CADPS2: variants seen among roughly 807,000 people sequenced by gnomAD.
The protein encoded by CADPS2 is calcium dependent secretion activator 2.
A neutral mutation model predicts 172.5 loss-of-function variants in CADPS2; 93 were observed. That is an observed-to-expected ratio of 0.54 (90% CI 0.46 to 0.64). The LOEUF (loss-of-function observed/expected upper bound fraction) is 0.64, where lower values mean the gene tolerates loss of function less well. Among genes scored for constraint, CADPS2 ranks in the 30% least tolerant of loss-of-function variants. The pLI is 0.00. For synonymous variants in CADPS2, 546 were observed against 555.2 expected (o/e 0.98, Z 0.23); for missense variants, 1,420 against 1,565.9 (o/e 0.91, Z 1.57).
At chr7:122,741,661 C>CA (rs1475393197) in intron 1 of CADPS2, among the ~76,000 whole-genome samples, 1 of 152,140 alleles carries the variant, frequency 6.6e-6, no homozygotes, top group Non-Finnish European at 1.5e-5. Context: ...TTAATCTGTA[C>CA]AAAATCTACA....
intron 25 of CADPS2, among the ~76,000 whole-genome samples, chr7:122,377,635 G>A (rs901295702): frequency 6.6e-6 from 1 of 152,094 alleles, no homozygotes; most frequent in Admixed American, 6.6e-5. Flanking sequence ...CGTTGACTGC[G>A]TGGTGATGCA....
chr7:122,419,187 T>G (rs916850142), intron 17 of CADPS2, among the ~76,000 whole-genome samples: 4 of 152,178 alleles, frequency 2.6e-5, no homozygotes, highest in African/African-American at 9.7e-5. Flanking sequence ...AGCAGAATAA[T>G]TATGGGAGGA....
chr7:122,528,558 A>C (rs1011490605), intron 8 of CADPS2, among the ~76,000 whole-genome samples: 4 of 152,162 alleles, frequency 2.6e-5, no homozygotes, highest in African/African-American at 9.6e-5. Context: ...CAGTAGTCAT[A>C]AAGAATCCAT....
At chr7:122,874,673 C>T (rs979430406) in intron 1 of CADPS2, among the ~76,000 whole-genome samples, 1 of 152,150 alleles carries the variant, frequency 6.6e-6, no homozygotes, top group African/African-American at 2.4e-5. Context: ...GGTACTGGTA[C>T]TGAAACAGAT....
chr7:122,370,536 G>T (rs764956790), intron 25 of CADPS2, among the ~76,000 whole-genome samples: 1 of 152,100 alleles, frequency 6.6e-6, no homozygotes, highest in Non-Finnish European at 1.5e-5. Context: ...TCATCTACTG[G>T]ATTATATGAC....
At chr7:122,419,994 C>T (rs904881352) in intron 17 of CADPS2, among the ~76,000 whole-genome samples, 2 of 152,092 alleles carry the variant, frequency 1.3e-5, no homozygotes, top group African/African-American at 4.8e-5. Context: ...TCCTCAGAAG[C>T]ATTCTGCAAA....
intron 14 of CADPS2, among the ~76,000 whole-genome samples, chr7:122,468,038 C>CAAG (rs2055394965): frequency 6.6e-6 from 1 of 152,250 alleles, no homozygotes; most frequent in African/African-American, 2.4e-5. Context: ...CTGAAACACT[C>CAAG]AGAGTGCTAT....
intron 24 of CADPS2, among the ~76,000 whole-genome samples, chr7:122,382,997 G>GAAAAA (rs1554481708): frequency 6.6e-6 from 1 of 151,738 alleles, no homozygotes; most frequent in Non-Finnish European, 1.5e-5. Flanking sequence ...CCAAACAAAC[G>GAAAAA]AAAACAAAAA....
intron 2 of CADPS2, among the ~76,000 whole-genome samples, chr7:122,725,701 A>G (rs934721628): frequency 2.0e-5 from 3 of 151,936 alleles, no homozygotes; most frequent in East Asian, 3.9e-4. Flanking sequence ...GGCTGAGGCA[A>G]GAAGATCACT....
At chr7:122,755,119 G>A (rs925636688) in intron 1 of CADPS2, among the ~76,000 whole-genome samples, 6 of 152,108 alleles carry the variant, frequency 3.9e-5, no homozygotes, top group Non-Finnish European at 8.8e-5. Flanking sequence ...ATTTGCTACT[G>A]AGCAGTATGA....
chr7:122,359,111 T>C (rs1368858867), intron 27 of CADPS2, among the ~76,000 whole-genome samples: 3 of 152,128 alleles, frequency 2.0e-5, no homozygotes, highest in Non-Finnish European at 2.9e-5. Context: ...GTTTAGTGAA[T>C]AAATTGAGAA....
At chr7:122,852,663 C>T (rs1813995555) in intron 1 of CADPS2, among the ~76,000 whole-genome samples, 1 of 151,968 alleles carries the variant, frequency 6.6e-6, no homozygotes, top group African/African-American at 2.4e-5. Flanking sequence ...GGCAGTTCCA[C>T]GAACAGCAAA....
chr7:122,671,343 T>C (rs1263655087), intron 2 of CADPS2, among the ~76,000 whole-genome samples: 1 of 152,176 alleles, frequency 6.6e-6, no homozygotes, highest in African/African-American at 2.4e-5. Flanking sequence ...AATGATTTAA[T>C]TCCCCCATCC....
chr7:122,612,054 C>A (rs35462947), intron 6 of CADPS2, among the ~76,000 whole-genome samples: 14,709 of 152,012 alleles, frequency 0.097, 834 homozygotes, highest in African/African-American at 0.15. Flanking sequence ...TAGAAATGAA[C>A]TTCCTTAAAC....
At chr7:122,323,883 A>T (rs1422057481) in intron 29 of CADPS2, among the ~76,000 whole-genome samples, 6 of 9,816 alleles carry the variant, frequency 6.1e-4, no homozygotes, top group Admixed American at 3.7e-3. Context: ...TTATATATAT[A>T]TATATATATA....
At chr7:122,504,538 A>G (rs1404062552) in intron 9 of CADPS2, among the ~76,000 whole-genome samples, 4 of 150,978 alleles carry the variant, frequency 2.6e-5, no homozygotes, top group Non-Finnish European at 1.5e-5. Context: ...GGCTTTCCCC[A>G]CCCCTACCTT....
chr7:122,370,233 G>A lies in CADPS2; in HGVS notation c.3387+9135C>T, dbSNP rs570318266. Among the ~76,000 whole-genome samples, 10 of 152,216 alleles carry A rather than the reference G, an allele frequency of 6.6e-5. No individual in the cohort carries two copies. The South Asian group carries it at 1.9e-3, about 28-fold the overall frequency. On this transcript the variant is annotated intron_variant, in intron 25 of 29. Coordinates refer to ENST00000449022, the MANE Select transcript of CADPS2 (RefSeq NM_017954.11). ...TGGCTTGCATTTTATGTTTGTTAGT[G>A]TGTCTCCTCCAAGGGTTAGCAAACT... is the stretch of plus-strand genomic sequence containing the variant.
chr7:122,403,729 G>C (rs375176420), intron 20 of CADPS2, among the ~76,000 whole-genome samples: 1 of 151,408 alleles, frequency 6.6e-6, no homozygotes, highest in African/African-American at 2.4e-5. Flanking sequence ...TAATTCATTG[G>C]AATTAATGAT....
At chr7:122,668,402 TAAAAAAA>T (rs34006020) in intron 2 of CADPS2, among the ~76,000 whole-genome samples, 1 of 138,196 alleles carries the variant, frequency 7.2e-6, no homozygotes, top group Non-Finnish European at 1.6e-5. Flanking sequence ...AAAGTATGGT[TAAAAAAA>T]AAAAAAAAAC....
Sources: allele counts gnomAD v4.1 joint callset (sites outside exome capture counted in the v4.1 genomes callset), GRCh38; gene constraint gnomAD v4.1.1; transcripts MANE v1.5; gene names NCBI Gene and HGNC (gene_info 2026-07-23, HGNC 2026-07-21).